Variants in RAC1 observed in about 807,000 individuals in gnomAD.
RAC1 encodes ras-related C3 botulinum toxin substrate 1.
A neutral mutation model predicts 25.2 loss-of-function variants in RAC1; 2 were observed. The observed-to-expected ratio is 0.08, with a 90% CI of 0.03 to 0.25. The LOEUF (loss-of-function observed/expected upper bound fraction) is 0.25, where lower values mean the gene tolerates loss of function less well. RAC1 is among the 10% of genes least tolerant of loss of function. RAC1 has a pLI of 1.00. For missense variants in RAC1, 50 were observed against 235.7 expected (o/e 0.21, Z 5.16); for synonymous variants, 88 against 94.0 (o/e 0.94, Z 0.37).
At chr7:6,387,057 G>A (rs1302640149) in intron 1 of RAC1, among the ~76,000 whole-genome samples, 155 bp from the exon 2 acceptor site, 1 of 152,190 alleles carries the variant, frequency 6.6e-6, no homozygotes, top group Non-Finnish European at 1.5e-5. Flanking sequence ...CAATGTGTAT[G>A]TGGTGATAAA....
chr7:6,402,936 A>G lies in RAC1; in HGVS notation c.*490A>G, dbSNP rs534300530. On this transcript the variant is annotated 3_prime_UTR_variant, in exon 6 of 6. Transcript: ENST00000348035. ...ACAGCCTCCCGAATGAAGCGTTGCC[A>G]TTGAACTCACCAGTGAGTTAGCAGC... 8 of 190,984 alleles carry G rather than the reference A, an allele frequency of 4.2e-5. No homozygotes were observed. In the South Asian group the frequency reaches 5.8e-4, roughly 14 times the overall value. 11.8% of individuals were successfully genotyped at this position (190,984 alleles called of 1,614,324 possible).
chr7:6,402,103 A>G, intron 5 of RAC1, 76 bp downstream of exon 5: 1 of 1,527,686 alleles, frequency 6.5e-7, no homozygotes. Context: ...CAGTCTGGGA[A>G]AGGAGGGTGT....
At chr7:6,392,096 G>A (rs1018900534) in intron 3 of RAC1, 55 bp downstream of exon 3, 23 of 1,607,642 alleles carry the variant, frequency 1.4e-5, no homozygotes, top group Admixed American at 5.0e-5. Flanking sequence ...ATTCTCGAGC[G>A]CTTAATTAGT....
At chr7:6,396,585 C>T (rs781774784) in intron 3 of RAC1, among the ~76,000 whole-genome samples, 1 of 152,120 alleles carries the variant, frequency 6.6e-6, no homozygotes, top group Non-Finnish European at 1.5e-5. Flanking sequence ...TCTTTGGAAG[C>T]TGCATTTTTG....
At position 6,403,213 on chromosome 7, in the gene RAC1, T is replaced by G. The variant is rs542485609; in HGVS notation, c.*767T>G. The stretch of plus-strand genomic sequence containing the variant: ...GATTTACACTACATTGTACAAGGAA[T>G]GAAAGTGTCACGGGTAAAAACTCTA... On this transcript the variant is annotated 3_prime_UTR_variant, in exon 6 of 6. Coordinates refer to ENST00000348035, the MANE Select transcript of RAC1 (RefSeq NM_006908.5). The G allele has an allele frequency of 4.5e-6, 1 of 221,746 alleles. No individual in the cohort carries two copies. The highest frequency in any genetic ancestry group is 2.2e-5 in the African/African-American group (1 of 44,698). 13.7% of individuals were successfully genotyped at this position (221,746 alleles called of 1,614,324 possible). A position where few individuals can be genotyped will look rare whatever the true frequency, so the allele number is the denominator to read the frequency against.
intron 3 of RAC1, chr7:6,398,756 T>C (rs1300256758): frequency 1.3e-6 from 2 of 1,578,488 alleles, no homozygotes; most frequent in African/African-American, 2.7e-5. Flanking sequence ...TTTCAAGCTT[T>C]CTCTGTTCTC....
At chr7:6,389,602 C>G (rs1002901295) in intron 2 of RAC1, among the ~76,000 whole-genome samples, 1 of 152,016 alleles carries the variant, frequency 6.6e-6, no homozygotes, top group Non-Finnish European at 1.5e-5. Flanking sequence ...ATTGCTTGAA[C>G]CTGGGAGGTG....
intron 3 of RAC1, among the ~76,000 whole-genome samples, chr7:6,397,029 T>C (rs1583268788): frequency 4.0e-5 from 3 of 74,500 alleles, no homozygotes; most frequent in Non-Finnish European, 7.2e-5. Context: ...AGACTCCCTC[T>C]CAAAAACAAA....
intron 1 of RAC1, among the ~76,000 whole-genome samples, chr7:6,377,937 T>C (rs1782652839): frequency 6.6e-6 from 1 of 152,082 alleles, no homozygotes; most frequent in South Asian, 2.1e-4. Flanking sequence ...AGATACATCT[T>C]CATCTGTTCC....
At chr7:6,384,130 T>G (rs1327154286) in intron 1 of RAC1, among the ~76,000 whole-genome samples, 1 of 151,948 alleles carries the variant, frequency 6.6e-6, no homozygotes, top group African/African-American at 2.4e-5. Flanking sequence ...CCTTAGAGCC[T>G]TAGGCTCCAC....
intron 1 of RAC1, among the ~76,000 whole-genome samples, chr7:6,386,788 C>CAAAAAAAA (rs71008388): frequency 4.5e-5 from 4 of 88,150 alleles, no homozygotes; most frequent in East Asian, 5.4e-4. Context: ...GACTCGGTCT[C>CAAAAAAAA]AAAAAAAAAA....
At chr7:6,375,482 C>T (rs571324230) in intron 1 of RAC1, among the ~76,000 whole-genome samples, 61 of 152,236 alleles carry the variant, frequency 4.0e-4, no homozygotes, top group African/African-American at 1.3e-3. Flanking sequence ...TGCCTCTCAG[C>T]CTCCAAAAGC....
intron 1 of RAC1, among the ~76,000 whole-genome samples, chr7:6,384,871 G>C (rs1782878852): frequency 6.6e-6 from 1 of 152,068 alleles, no homozygotes; most frequent in African/African-American, 2.4e-5. Flanking sequence ...GTGCAATCTT[G>C]TTTCACTGCA....
chr7:6,402,732 C>G lies in RAC1; in HGVS notation c.*286C>G, dbSNP rs1035748704. 10 of 287,062 alleles carry G rather than the reference C, an allele frequency of 3.5e-5. No individual in the cohort carries two copies. Among genetic ancestry groups the G allele is most frequent in the African/African-American group, 1.7e-4 (8 of 46,042 alleles). The allele number at this position is 287,062 out of a possible 1,614,324, so 17.8% of individuals were successfully genotyped here. ...GCCTTATTTTTCAAAAGCGCCCCCC[C>G]CATTCTTGTTCAGATTAAGAGTTGC... is the stretch of plus-strand genomic sequence containing the variant. On this transcript the variant is annotated 3_prime_UTR_variant, in exon 6 of 6. Coordinates refer to ENST00000348035, the MANE Select transcript of RAC1 (RefSeq NM_006908.5).
chr7:6,394,672 AGTTGTTGTT>A lies in RAC1; in HGVS notation c.225+2647_225+2655del, dbSNP rs141162322. On this transcript the variant is annotated intron_variant, in intron 3 of 5. Coordinates refer to ENST00000348035, the MANE Select transcript of RAC1 (RefSeq NM_006908.5). ...TGTTTCATTTTCTCTCTAGGCTAAA[AGTTGTTGTT>A]GTTGTTGTTGTTGTTTGAGACAGAG... 2.1e-3 allele frequency among the ~76,000 whole-genome samples: 317 copies of A among 151,514 alleles called. 2 individuals are homozygous for A. The highest frequency in any genetic ancestry group is 9.4e-4 in the Non-Finnish European group (64 of 67,868).
intron 1 of RAC1, among the ~76,000 whole-genome samples, chr7:6,379,241 A>G (rs1343856604): frequency 6.7e-6 from 1 of 148,480 alleles, no homozygotes; most frequent in Non-Finnish European, 1.5e-5. Flanking sequence ...AGCTGGAACT[A>G]CACGTGCCTG....
chr7:6,386,782 C>T (rs1316093646), intron 1 of RAC1, among the ~76,000 whole-genome samples: 2 of 128,290 alleles, frequency 1.6e-5, no homozygotes, highest in African/African-American at 5.9e-5. Context: ...GCACGAGACT[C>T]GGTCTCAAAA....
intron 1 of RAC1, among the ~76,000 whole-genome samples, chr7:6,382,043 G>C (rs1316967043): frequency 6.6e-6 from 1 of 152,022 alleles, no homozygotes; most frequent in African/African-American, 2.4e-5. Flanking sequence ...GCTCAGGCTG[G>C]AGTGCAGTGA....
At chr7:6,396,497 T>C (rs1783238188) in intron 3 of RAC1, among the ~76,000 whole-genome samples, 1 of 152,134 alleles carries the variant, frequency 6.6e-6, no homozygotes, top group African/African-American at 2.4e-5. Flanking sequence ...AACTGCTCGC[T>C]CCTGTCGTGT....
Sources: gnomAD v4.1 joint callset for allele counts (sites outside exome capture counted in the v4.1 genomes callset) on GRCh38, gnomAD v4.1.1 for gene constraint, MANE v1.5 for transcripts, NCBI Gene and HGNC (gene_info 2026-07-23, HGNC 2026-07-21) for gene names.